VCPKMT: variants seen among roughly 807,000 people sequenced by gnomAD.
VCPKMT encodes valosin containing protein lysine methyltransferase.
A neutral mutation model predicts 28.6 loss-of-function variants in VCPKMT; 32 were observed. That is an observed-to-expected ratio of 1.12 (90% CI 0.84 to 1.50). The LOEUF (loss-of-function observed/expected upper bound fraction) is 1.50, where lower values mean the gene tolerates loss of function less well. Ranked by LOEUF, VCPKMT falls within the 40% of genes most tolerant of loss-of-function variation. The probability of loss-of-function intolerance (pLI) is 0.00; values close to 1 mark genes in which losing one functional copy is unlikely to be tolerated. For synonymous variants in VCPKMT, 138 were observed against 111.4 expected (o/e 1.24, Z -1.50); for missense variants, 366 against 285.0 (o/e 1.28, Z -2.05).
intron 4 of VCPKMT, among the ~76,000 whole-genome samples, chr14:50,113,086 A>G (rs2139437453): frequency 6.6e-6 from 1 of 152,276 alleles, no homozygotes; most frequent in African/African-American, 2.4e-5. Flanking sequence ...GCGCCTGGTC[A>G]GTGGTTACCT....
rs778690349 is a variant in VCPKMT, at chr14:50,116,291, G to T, written c.262C>A (p.Leu88Ile). ...CGCCCGCCCGCCAGCTCTTACCCGA[G>T]GGTAGCAGCCATGAGCCCCACGGCC... ...TGAVGLMAAT[L>I]GADVVVTDLE... The change falls in exon 1 of 6, where the codon CTC (leucine) becomes ATC (isoleucine). Residue 88 changes from leucine (L) to isoleucine (I), a missense_variant. Transcript: ENST00000395860. The T allele has an allele frequency of 6.2e-7, 1 of 1,606,156 alleles. No homozygotes were observed. Among genetic ancestry groups the T allele is most frequent in the East Asian group, 2.2e-5 (1 of 44,518 alleles).
chr14:50,111,641 G>A, intron 5 of VCPKMT: 1 of 982,274 alleles, frequency 1.0e-6, no homozygotes, highest in Non-Finnish European at 1.2e-6. Flanking sequence ...AATTTGGGAG[G>A]CCGAGGTGGG....
chr14:50,110,754 G>A (rs573072771), intron 5 of VCPKMT, among the ~76,000 whole-genome samples: 1 of 152,304 alleles, frequency 6.6e-6, no homozygotes, highest in African/African-American at 2.4e-5. Flanking sequence ...GTCCATAGCA[G>A]CATTATTCAT....
chr14:50,114,294 T>C lies in VCPKMT; in HGVS notation c.561A>G (p.Lys187=). ...AGTACTTAATACTTACCTCAAAATA[T>C]TTTTTCTCAATTTCTGGATTTTTCC... ...TMGKNPEIEK[K]YFELLQLDFD... Residue 187 remains lysine (K), a synonymous_variant, in exon 4 of 6, where the codon AAA becomes AAG. Coordinates refer to ENST00000395860, the MANE Select transcript of VCPKMT (RefSeq NM_024558.3). The C allele has an allele frequency of 6.3e-7, 1 of 1,582,654 alleles. No individual in the cohort carries two copies. Among genetic ancestry groups the C allele is most frequent in the Non-Finnish European group, 8.5e-7 (1 of 1,169,706 alleles).
At chr14:50,115,222 G>C (rs1260853663) in intron 3 of VCPKMT, among the ~76,000 whole-genome samples, 1 of 145,060 alleles carries the variant, frequency 6.9e-6, no homozygotes, top group African/African-American at 2.6e-5. Context: ...GCATGATTTC[G>C]GCTCACTGCA....
chr14:50,115,472 G>C (rs1258990988), intron 3 of VCPKMT, among the ~76,000 whole-genome samples: 1 of 152,052 alleles, frequency 6.6e-6, no homozygotes, highest in Non-Finnish European at 1.5e-5. Flanking sequence ...TTAAAGAAAA[G>C]AACAATGAAT....
Position 50,109,551 on chromosome 14 carries a change from G to T in VCPKMT, c.*148C>A, listed in dbSNP as rs1882495393. The T allele has an allele frequency of 4.4e-6, 6 of 1,361,498 alleles. No individual in the cohort carries two copies. Among genetic ancestry groups the T allele is most frequent in the Middle Eastern group, 2.7e-4 (1 of 3,664 alleles). The allele number at this position is 1,361,498 out of a possible 1,614,324, so 84.3% of individuals were successfully genotyped here. A position where few individuals can be genotyped will look rare whatever the true frequency, so the allele number is the denominator to read the frequency against. The stretch of plus-strand genomic sequence containing the variant: ...ATTTTTCGTATTGCAGACAGCCCCT[G>T]GTGGTCATCATCTATACATCGGATC... On this transcript the variant is annotated 3_prime_UTR_variant, in exon 6 of 6. Coordinates refer to ENST00000395860, the MANE Select transcript of VCPKMT (RefSeq NM_024558.3).
At chr14:50,108,067 T>C (rs183142971), downstream of VCPKMT, among the ~76,000 whole-genome samples, 8 of 151,808 alleles carry the variant, frequency 5.3e-5, no homozygotes, top group African/African-American at 1.2e-4. Context: ...GGCGCACCTG[T>C]AGTTCCAGCT....
At chr14:50,112,037 G>A (rs1882696279) in intron 5 of VCPKMT, 2 of 984,980 alleles carry the variant, frequency 2.0e-6, no homozygotes, top group Non-Finnish European at 2.4e-6. Flanking sequence ...CTACTTAATT[G>A]AGTGCATTTA....
At chr14:50,115,146 T>TG (rs1491230220) in intron 3 of VCPKMT, among the ~76,000 whole-genome samples, 1 of 63,046 alleles carries the variant, frequency 1.6e-5, no homozygotes, top group African/African-American at 1.3e-4. Flanking sequence ...CAAACTGATG[T>TG]TTTTTTTTTT....
rs1331187278 is a variant in VCPKMT, at chr14:50,116,459, G to C, written c.94C>G (p.Gln32Glu). Reference protein sequence around the residue: ...KRDGTVLRLQQYSSGGVGCVV... With the variant: ...KRDGTVLRLQEYSSGGVGCVV... The stretch of plus-strand genomic sequence containing the variant: ...CAACCCACGCCACCGGAGCTATACT[G>C]CTGTAGTCGTAGCACTGTACCATCC... Residue 32 changes from glutamine to glutamate, a missense_variant, in exon 1 of 6, where the codon CAG (glutamine) becomes GAG (glutamate). Gln to Glu is a conservative substitution (Grantham distance 29). Coordinates refer to ENST00000395860, the MANE Select transcript of VCPKMT (RefSeq NM_024558.3). The C allele has an allele frequency of 6.2e-7, 1 of 1,614,054 alleles. No individual in the cohort carries two copies. The highest frequency in any genetic ancestry group is 8.5e-7 in the Non-Finnish European group (1 of 1,179,968).
chr14:50,106,611 G>A (rs749586686), downstream of VCPKMT: 269 of 985,370 alleles, frequency 2.7e-4, no homozygotes, highest in Non-Finnish European at 3.1e-4. Flanking sequence ...TCCATGCTTC[G>A]GAATCTGCTG....
chr14:50,110,994 G>C (rs1882612632), intron 5 of VCPKMT: 1 of 217,638 alleles, frequency 4.6e-6, no homozygotes, highest in South Asian at 1.6e-4. Flanking sequence ...CTGGGGACGG[G>C]GGTAACAGGG....
chr14:50,103,426 A>T, the VCPKMT span, among the ~76,000 whole-genome samples: 1 of 152,224 alleles, frequency 6.6e-6, no homozygotes, highest in Non-Finnish European at 1.5e-5. Flanking sequence ...CAAGTCTCAG[A>T]CTTCAGAAAA....
chr14:50,112,392 C>T (rs1261422682), intron 5 of VCPKMT, among the ~76,000 whole-genome samples: 3 of 52,498 alleles, frequency 5.7e-5, no homozygotes, highest in African/African-American at 2.7e-4. Flanking sequence ...TTAAAAAATA[C>T]GAGAAAAAAA....
At chr14:50,107,740 G>T (rs1337626968), downstream of VCPKMT, among the ~76,000 whole-genome samples, 1 of 152,228 alleles carries the variant, frequency 6.6e-6, no homozygotes, top group Non-Finnish European at 1.5e-5. Flanking sequence ...AGGAAGTCAA[G>T]CAAGAGTGTG....
chr14:50,106,934 G>A (rs1374694906), downstream of VCPKMT, among the ~76,000 whole-genome samples: 2 of 152,202 alleles, frequency 1.3e-5, no homozygotes, highest in Non-Finnish European at 2.9e-5. Context: ...TGCCCAGCCT[G>A]GTCTCAAGCT....
intron 5 of VCPKMT, among the ~76,000 whole-genome samples, chr14:50,110,305 G>A (rs1053963127): frequency 1.6e-4 from 25 of 152,072 alleles, no homozygotes; most frequent in Admixed American, 6.6e-5. Context: ...TTGAGAAAAT[G>A]AAAAGACAAC....
intron 3 of VCPKMT, among the ~76,000 whole-genome samples, chr14:50,115,624 A>G (rs1003645646): frequency 6.6e-5 from 10 of 152,238 alleles, no homozygotes; most frequent in African/African-American, 2.2e-4. Context: ...TAAAATGCAT[A>G]TAACACTTTT....
Sources: gnomAD v4.1 joint callset for allele counts (sites outside exome capture counted in the v4.1 genomes callset) on GRCh38, gnomAD v4.1.1 for gene constraint, MANE v1.5 for transcripts, NCBI Gene and HGNC (gene_info 2026-07-23, HGNC 2026-07-21) for gene names.